RBFOX1: variants seen among roughly 807,000 people sequenced by gnomAD.
The protein encoded by RBFOX1 is RNA binding protein fox-1 homolog 1.
In RBFOX1, 8 loss-of-function variants were observed where a neutral mutation model predicts 57.7. The observed-to-expected ratio is 0.14, with a 90% confidence interval of 0.08 to 0.25. The LOEUF (loss-of-function observed/expected upper bound fraction) is 0.25. Ranked by LOEUF, RBFOX1 falls within the 10% of genes least tolerant of loss-of-function variation. The probability of loss-of-function intolerance (pLI) is 1.00; values close to 1 mark genes in which losing one functional copy is unlikely to be tolerated. For missense variants in RBFOX1, 611 were observed against 548.5 expected (o/e 1.11, Z -1.14); for synonymous variants, 326 against 222.4 (o/e 1.47, Z -4.15).
chr16:6,415,488 G>A (rs1299605147), intron 2 of RBFOX1, among the ~76,000 whole-genome samples: 3 of 151,804 alleles, frequency 2.0e-5, no homozygotes, highest in Non-Finnish European at 4.4e-5. Context: ...GGATCACGAG[G>A]TTAGGAGTAT....
At chr16:5,444,615 G>A (rs1165859359) in intron 1 of RBFOX1, among the ~76,000 whole-genome samples, 1 of 152,138 alleles carries the variant, frequency 6.6e-6, no homozygotes, top group Non-Finnish European at 1.5e-5. Flanking sequence ...GGGATCTCAT[G>A]GCCAGATGTC....
intron 13 of RBFOX1, among the ~76,000 whole-genome samples, chr16:7,670,220 C>T (rs1165711989): frequency 2.0e-5 from 3 of 152,050 alleles, no homozygotes; most frequent in African/African-American, 4.8e-5. Context: ...TTAGTAGAGA[C>T]GGGGTTTCAC....
intron 4 of RBFOX1, among the ~76,000 whole-genome samples, chr16:7,376,827 G>C (rs1568496085): frequency 1.3e-5 from 2 of 152,164 alleles, no homozygotes; most frequent in Non-Finnish European, 2.9e-5. Flanking sequence ...GGAGAATTCA[G>C]AGCTGTTAAA....
chr16:6,725,171 C>G (rs2154168049), intron 3 of RBFOX1, among the ~76,000 whole-genome samples: 1 of 151,124 alleles, frequency 6.6e-6, no homozygotes, highest in East Asian at 2.0e-4. Context: ...CTGCCTCAGC[C>G]TCCCGAGTAA....
At chr16:5,350,490 C>T (rs1200274742) in intron 1 of RBFOX1, among the ~76,000 whole-genome samples, 1 of 152,124 alleles carries the variant, frequency 6.6e-6, no homozygotes, top group Non-Finnish European at 1.5e-5. Context: ...ATTTAGTTCC[C>T]GTGTCAGCCT....
chr16:7,099,009 G>C (rs1251159437), intron 4 of RBFOX1, among the ~76,000 whole-genome samples: 1 of 152,042 alleles, frequency 6.6e-6, no homozygotes, highest in Admixed American at 6.6e-5. Context: ...TTTTTGGTGG[G>C]TCAGTGTCCA....
chr16:5,944,664 G>C (rs1471246399), intron 4 of RBFOX1, among the ~76,000 whole-genome samples: 1 of 151,316 alleles, frequency 6.6e-6, no homozygotes, highest in East Asian at 1.9e-4. Flanking sequence ...TTAAGAGAAA[G>C]CTATTCTCGG....
intron 4 of RBFOX1, among the ~76,000 whole-genome samples, chr16:7,495,430 C>A (rs1226103651): frequency 6.6e-6 from 1 of 152,124 alleles, no homozygotes; most frequent in African/African-American, 2.4e-5. Flanking sequence ...TTTTACACAC[C>A]CACCAAAAGT....
At chr16:6,960,076 A>G (rs1056991853) in intron 3 of RBFOX1, among the ~76,000 whole-genome samples, 2 of 152,188 alleles carry the variant, frequency 1.3e-5, no homozygotes, top group African/African-American at 4.8e-5. Context: ...AATTCTTAAC[A>G]GGACCCATTT....
intron 3 of RBFOX1, among the ~76,000 whole-genome samples, chr16:6,665,941 G>A (rs1049130857): frequency 1.8e-4 from 28 of 152,242 alleles, no homozygotes; most frequent in African/African-American, 6.7e-4. Flanking sequence ...CACATGTTGT[G>A]AGAGGGACCT....
intron 3 of RBFOX1, among the ~76,000 whole-genome samples, chr16:5,748,190 TG>T (rs908702851): frequency 3.3e-5 from 5 of 152,108 alleles, no homozygotes; most frequent in African/African-American, 1.2e-4. Flanking sequence ...TGGTTTTGAG[TG>T]AGTTTCTTAA....
At chr16:5,672,156 G>A (rs1466716082) in intron 3 of RBFOX1, among the ~76,000 whole-genome samples, 3 of 152,160 alleles carry the variant, frequency 2.0e-5, no homozygotes, top group Non-Finnish European at 4.4e-5. Context: ...AGTGGATCAG[G>A]TAGAATGGCA....
intron 4 of RBFOX1, among the ~76,000 whole-genome samples, chr16:7,437,256 C>CA (rs766259891): frequency 1.9e-4 from 25 of 134,120 alleles, no homozygotes; most frequent in Middle Eastern, 4.3e-3. Context: ...CTTTGCCCCC[C>CA]CCCCCTTTCT....
chr16:6,931,915 G>A (rs1203569176), intron 3 of RBFOX1, among the ~76,000 whole-genome samples: 2 of 152,146 alleles, frequency 1.3e-5, no homozygotes, highest in Non-Finnish European at 1.5e-5. Flanking sequence ...GAGGGAGGAG[G>A]CGAGGAGTAA....
intron 3 of RBFOX1, among the ~76,000 whole-genome samples, chr16:6,910,196 G>T (rs9924806): frequency 6.6e-6 from 1 of 151,904 alleles, no homozygotes; most frequent in Non-Finnish European, 1.5e-5. Context: ...GCAGAAAATG[G>T]GAAAAGAGAA....
intron 4 of RBFOX1, among the ~76,000 whole-genome samples, chr16:5,992,618 A>T (rs9940145): frequency 0.53 from 80,258 of 152,010 alleles, 21,960 homozygotes; most frequent in Middle Eastern, 0.63. Context: ...TGAGAAACTA[A>T]TATTTTCTGA....
chr16:6,016,261 G>T (rs140461022), upstream of RBFOX1, among the ~76,000 whole-genome samples: 1 of 152,058 alleles, frequency 6.6e-6, no homozygotes, highest in Non-Finnish European at 1.5e-5. Context: ...CTGTGCCTAT[G>T]GGGGGCTGGG....
chr16:6,417,772 A>G (rs986198249), intron 2 of RBFOX1, among the ~76,000 whole-genome samples: 10 of 90,750 alleles, frequency 1.1e-4, no homozygotes, highest in Non-Finnish European at 1.9e-4. Flanking sequence ...AGCTTGTGTC[A>G]TAGGTTTTTT....
intron 4 of RBFOX1, among the ~76,000 whole-genome samples, chr16:7,385,919 C>CTTATTTAT (rs138535933): frequency 0.015 from 2,020 of 135,148 alleles, 23 homozygotes; most frequent in Middle Eastern, 0.022. Context: ...TGCCCAGTTA[C>CTTATTTAT]TTATTTATTT....
Sources: gnomAD v4.1 joint callset for allele counts (sites outside exome capture counted in the v4.1 genomes callset) on GRCh38, gnomAD v4.1.1 for gene constraint, MANE v1.5 for transcripts, NCBI Gene and HGNC (gene_info 2026-07-23, HGNC 2026-07-21) for gene names.